Variants in HS2ST1 observed in about 807,000 individuals in gnomAD.
HS2ST1 encodes heparan sulfate 2-O-sulfotransferase 1.
In HS2ST1, 18 loss-of-function variants were observed where a neutral mutation model predicts 42.9. That is an observed-to-expected ratio of 0.42 (90% CI 0.29 to 0.62). HS2ST1 has a LOEUF of 0.62. Ranked by LOEUF, HS2ST1 falls within the 20% of genes least tolerant of loss-of-function variation. The probability of loss-of-function intolerance (pLI) is 0.21; values close to 1 mark genes in which losing one functional copy is unlikely to be tolerated. For missense variants in HS2ST1, 334 were observed against 433.8 expected, an observed-to-expected ratio of 0.77 and a Z score of 2.04; for synonymous variants, 146 against 152.9, an observed-to-expected ratio of 0.95 and a Z score of 0.33.
At chr1:86,993,218 T>A (rs1649009286) in intron 1 of HS2ST1, 1 of 1,447,258 alleles carries the variant, frequency 6.9e-7, no homozygotes, top group South Asian at 1.3e-5. Context: ...AAGGTACAGT[T>A]TGTAATGTAT....
At chr1:87,064,256 G>A (rs1651191511) in intron 1 of HS2ST1, among the ~76,000 whole-genome samples, 1 of 152,178 alleles carries the variant, frequency 6.6e-6, no homozygotes, top group Admixed American at 6.5e-5. Context: ...AGCTTCTATA[G>A]CTCCAAGTCT....
intron 5 of HS2ST1, among the ~76,000 whole-genome samples, chr1:87,101,114 A>G (rs908437599): frequency 1.6e-5 from 2 of 127,758 alleles, no homozygotes; most frequent in South Asian, 5.4e-4. Context: ...ATTCTGCCAG[A>G]TGTCCTAAGT....
At chr1:86,953,400 C>T (rs903878789) in intron 1 of HS2ST1, among the ~76,000 whole-genome samples, 2 of 152,228 alleles carry the variant, frequency 1.3e-5, no homozygotes, top group East Asian at 3.8e-4. Context: ...GCATTCTCAA[C>T]TTGACTCTTT....
At chr1:86,930,197 AT>A (rs1660515552) in intron 1 of HS2ST1, among the ~76,000 whole-genome samples, 1 of 151,846 alleles carries the variant, frequency 6.6e-6, no homozygotes, top group Non-Finnish European at 1.5e-5. Context: ...GTTGTGTACA[AT>A]TTGAAGAGTA....
At chr1:87,080,279 A>G (rs1651651369) in intron 2 of HS2ST1, among the ~76,000 whole-genome samples, 1 of 152,188 alleles carries the variant, frequency 6.6e-6, no homozygotes, top group Non-Finnish European at 1.5e-5. Context: ...TTGTCCGGTA[A>G]AGAGAGTAGT....
chr1:87,078,118 G>C (rs1031187741), intron 2 of HS2ST1, among the ~76,000 whole-genome samples: 2 of 152,190 alleles, frequency 1.3e-5, no homozygotes, highest in African/African-American at 4.8e-5. Context: ...GTTAATAGTA[G>C]CATTCATTCA....
At chr1:86,966,187 ATG>A (rs1240660565) in intron 1 of HS2ST1, among the ~76,000 whole-genome samples, 4 of 152,160 alleles carry the variant, frequency 2.6e-5, no homozygotes, top group African/African-American at 9.7e-5. Context: ...CATGGTCCAA[ATG>A]TGTGCTGGAA....
At chr1:86,970,641 T>C (rs986707011) in intron 1 of HS2ST1, among the ~76,000 whole-genome samples, 3 of 152,106 alleles carry the variant, frequency 2.0e-5, no homozygotes, top group African/African-American at 7.2e-5. Context: ...TGATCCACCC[T>C]CCTTGGCCTC....
intron 1 of HS2ST1, among the ~76,000 whole-genome samples, chr1:86,986,037 C>CTTT (rs1314546309): frequency 9.0e-5 from 7 of 77,602 alleles, no homozygotes; most frequent in African/African-American, 2.3e-4. Flanking sequence ...TGAGCTTGGC[C>CTTT]TCTTTTTTTT....
At chr1:87,070,250 A>G (rs1441023594) in intron 1 of HS2ST1, among the ~76,000 whole-genome samples, 2 of 152,166 alleles carry the variant, frequency 1.3e-5, no homozygotes, top group East Asian at 3.8e-4. Context: ...TTACCATAAT[A>G]GTTTTGAACT....
At chr1:87,072,609 CTT>C (rs1651438630) in intron 1 of HS2ST1, among the ~76,000 whole-genome samples, 1 of 152,146 alleles carries the variant, frequency 6.6e-6, no homozygotes, top group Non-Finnish European at 1.5e-5. Context: ...TTTGTTGACT[CTT>C]TATTCCTTTT....
chr1:87,018,237 T>G (rs536992704), intron 1 of HS2ST1, among the ~76,000 whole-genome samples: 2 of 152,202 alleles, frequency 1.3e-5, no homozygotes, highest in East Asian at 3.9e-4. Flanking sequence ...GATGAATCCT[T>G]TAAATATTTT....
intron 1 of HS2ST1, among the ~76,000 whole-genome samples, chr1:86,981,454 T>C (rs1412834184): frequency 1.3e-5 from 2 of 152,192 alleles, no homozygotes; most frequent in African/African-American, 4.8e-5. Context: ...CCCTTCTACC[T>C]GTGAGCCTGT....
chr1:86,940,112 C>T (rs1387520450), intron 1 of HS2ST1, among the ~76,000 whole-genome samples: 1 of 151,922 alleles, frequency 6.6e-6, no homozygotes, highest in Non-Finnish European at 1.5e-5. Flanking sequence ...GCCTATAATG[C>T]CAGCATTTTG....
chr1:87,051,432 A>G (rs1650829316), intron 1 of HS2ST1, among the ~76,000 whole-genome samples: 1 of 152,220 alleles, frequency 6.6e-6, no homozygotes, highest in Non-Finnish European at 1.5e-5. Flanking sequence ...GGCATAGGAA[A>G]ATAAGCCAAA....
chr1:86,978,258 A>G (rs1229303660), intron 1 of HS2ST1, among the ~76,000 whole-genome samples: 2 of 152,260 alleles, frequency 1.3e-5, no homozygotes, highest in African/African-American at 4.8e-5. Context: ...AACTGTACAC[A>G]TATAAAAGCT....
chr1:86,967,263 T>C (rs1367960746), intron 1 of HS2ST1, among the ~76,000 whole-genome samples: 1 of 152,210 alleles, frequency 6.6e-6, no homozygotes, highest in Non-Finnish European at 1.5e-5. Flanking sequence ...AGCTCTTTAT[T>C]ATGTAACCAT....
chr1:86,951,011 G>T (rs1404760670), intron 1 of HS2ST1, among the ~76,000 whole-genome samples: 1 of 152,154 alleles, frequency 6.6e-6, no homozygotes, highest in Non-Finnish European at 1.5e-5. Context: ...TGTTCAGTTG[G>T]ATTAGTAGGA....
intron 1 of HS2ST1, among the ~76,000 whole-genome samples, 198 bp downstream of exon 1, chr1:86,915,358 TCGCGA>T (rs1344777441): frequency 6.6e-6 from 1 of 152,100 alleles, no homozygotes; most frequent in East Asian, 1.9e-4. Context: ...CGTGCTGGGC[TCGCGA>T]GGTCACGGGG....
Sources: gnomAD v4.1 joint callset for allele counts (sites outside exome capture counted in the v4.1 genomes callset) on GRCh38, gnomAD v4.1.1 for gene constraint, MANE v1.5 for transcripts, NCBI Gene and HGNC (gene_info 2026-07-23, HGNC 2026-07-21) for gene names.